Variants in MSH3 observed in about 807,000 individuals in gnomAD.
MSH3 encodes the protein DNA mismatch repair protein Msh3.
A neutral mutation model predicts 123.3 loss-of-function variants in MSH3; 106 were observed. The observed-to-expected ratio is 0.86, with a 90% confidence interval of 0.73 to 1.01. The LOEUF is 1.01. MSH3 is among the 50% of genes least tolerant of loss of function. MSH3 has a pLI of 0.00. For missense variants in MSH3, 1,459 were observed against 1,347.6 expected, an observed-to-expected ratio of 1.08 and a Z score of -1.29; for synonymous variants, 515 against 481.4, an observed-to-expected ratio of 1.07 and a Z score of -0.91.
intron 20 of MSH3, among the ~76,000 whole-genome samples, chr5:80,849,064 A>C (rs779669400): frequency 1.3e-5 from 2 of 152,200 alleles, no homozygotes; most frequent in Non-Finnish European, 2.9e-5. Flanking sequence ...AAATTGGCCA[A>C]AACAAAGGGG....
chr5:80,665,451 T>C, intron 3 of MSH3, 88 bp downstream of exon 3: 1 of 1,008,666 alleles, frequency 9.9e-7, no homozygotes, highest in South Asian at 1.4e-5. Context: ...TTCATGGCAA[T>C]GGTTCCTAAA....
In MSH3 at chr5:80,719,635, A is replaced by G. The variant is rs115161356; in HGVS notation, c.1341-5818A>G. ...TTAAAATTATATATTATAAAATGCC[A>G]TTGCATTTAAAGGTCTTACGTTTCT... On this transcript the variant is annotated intron_variant, in intron 8 of 23. Transcript: ENST00000265081. Among the ~76,000 whole-genome samples, 296 of 152,304 alleles carry G rather than the reference A, an allele frequency of 1.9e-3. 3 individuals carry two copies. Among genetic ancestry groups the G allele is most frequent in the African/African-American group, 6.7e-3 (279 of 41,560 alleles).
At chr5:80,781,925 T>G (rs1350543362) in intron 17 of MSH3, among the ~76,000 whole-genome samples, 1 of 152,128 alleles carries the variant, frequency 6.6e-6, no homozygotes, top group Admixed American at 6.5e-5. Context: ...ACAGTAAATA[T>G]AACATCATAG....
chr5:80,805,218 A>C (rs941408925), intron 19 of MSH3, among the ~76,000 whole-genome samples: 1 of 152,188 alleles, frequency 6.6e-6, no homozygotes, highest in Non-Finnish European at 1.5e-5. Context: ...CTGGCTCTCA[A>C]AGTTGTAGCC....
At chr5:80,659,477 T>G (rs1361817206) in intron 2 of MSH3, among the ~76,000 whole-genome samples, 3 of 152,196 alleles carry the variant, frequency 2.0e-5, no homozygotes, top group Admixed American at 2.0e-4. Context: ...TTCTGAACAT[T>G]TCATATAAAT....
intron 12 of MSH3, among the ~76,000 whole-genome samples, chr5:80,754,764 G>C (rs1580021104): frequency 6.6e-6 from 1 of 152,214 alleles, no homozygotes; most frequent in South Asian, 2.1e-4. Context: ...ACATTTTAGT[G>C]GTCAATGTTC....
intron 12 of MSH3, among the ~76,000 whole-genome samples, chr5:80,746,099 C>T (rs32960): frequency 0.23 from 34,474 of 151,954 alleles, 4,101 homozygotes; most frequent in Non-Finnish European, 0.27. Context: ...CTATAGAAAA[C>T]GCACAGTACA....
chr5:80,805,114 T>A (rs1744864116), intron 19 of MSH3, among the ~76,000 whole-genome samples: 1 of 152,236 alleles, frequency 6.6e-6, no homozygotes, highest in Admixed American at 6.5e-5. Flanking sequence ...AAGTTTGTTC[T>A]AGTGTAACAA....
At chr5:80,775,581 T>G in intron 15 of MSH3, 113 bp from the exon 16 acceptor site, 1 of 672,874 alleles carries the variant, frequency 1.5e-6, no homozygotes, top group Non-Finnish European at 2.6e-6. Context: ...AATACTGGAC[T>G]TATCTTGAGT....
intron 8 of MSH3, among the ~76,000 whole-genome samples, chr5:80,721,910 CTG>C (rs1375529856): frequency 6.6e-6 from 1 of 151,944 alleles, no homozygotes; most frequent in East Asian, 1.9e-4. Context: ...ATTTGTGTTT[CTG>C]TGTTTTCTGT....
chr5:80,851,943 T>TA (rs1745836974), intron 20 of MSH3, among the ~76,000 whole-genome samples: 1 of 152,210 alleles, frequency 6.6e-6, no homozygotes, highest in Admixed American at 6.5e-5. Context: ...AGGCACATCT[T>TA]ACAATTCTTG....
chr5:80,663,212 A>G (rs1561433548), intron 2 of MSH3, among the ~76,000 whole-genome samples: 1 of 152,232 alleles, frequency 6.6e-6, no homozygotes, highest in African/African-American at 2.4e-5. Context: ...ACGAAGGTTC[A>G]TTGGTACTTG....
At chr5:80,789,474 G>C (rs1274555239) in intron 18 of MSH3, among the ~76,000 whole-genome samples, 1 of 151,784 alleles carries the variant, frequency 6.6e-6, no homozygotes, top group African/African-American at 2.4e-5. Flanking sequence ...AGGTTCAAGG[G>C]ATTCTCCTGC....
At chr5:80,784,908 G>A (rs763223267) in intron 17 of MSH3, among the ~76,000 whole-genome samples, 22 of 151,838 alleles carry the variant, frequency 1.4e-4, no homozygotes, top group Non-Finnish European at 2.8e-4. Flanking sequence ...TATATTTTTC[G>A]GTTCACAAAA....
Position 80,854,146 on chromosome 5 carries a change from A to G in MSH3, c.2830A>G (p.Asn944Asp). The part of the protein sequence containing the change: ...GIFTRMGAAD[N>D]IYKGQSTFME... ...TGCTTGTAGGATGGGTGCTGCAGAC[A>G]ATATATATAAAGGACAGAGTACATT... Residue 944 changes from asparagine (N) to aspartate (D), a missense_variant, in exon 21 of 24, where the codon AAT becomes GAT. Asn to Asp is a conservative substitution (Grantham distance 23, BLOSUM62 1). Transcript: ENST00000265081. 6.2e-7 allele frequency: 1 copy of G among 1,613,282 alleles called. No individual in the cohort carries two copies. Among genetic ancestry groups the G allele is most frequent in the South Asian group, 1.1e-5 (1 of 91,036 alleles).
intron 12 of MSH3, among the ~76,000 whole-genome samples, chr5:80,745,347 C>T (rs1743697457): frequency 6.6e-6 from 1 of 152,168 alleles, no homozygotes; most frequent in African/African-American, 2.4e-5. Flanking sequence ...AGAACAGTGC[C>T]TGGCACTTAG....
At chr5:80,730,412 G>C (rs1010388246) in intron 10 of MSH3, among the ~76,000 whole-genome samples, 1 of 152,138 alleles carries the variant, frequency 6.6e-6, no homozygotes, top group African/African-American at 2.4e-5. Context: ...GTTTCTTCCA[G>C]GGGGAAGAAG....
At chr5:80,731,517 T>C (rs989856691) in intron 10 of MSH3, among the ~76,000 whole-genome samples, 1 of 151,324 alleles carries the variant, frequency 6.6e-6, no homozygotes, top group Non-Finnish European at 1.5e-5. Flanking sequence ...GCTTTTATTA[T>C]ATATTATTAT....
chr5:80,722,769 A>G (rs1751108314), intron 8 of MSH3, among the ~76,000 whole-genome samples: 1 of 152,202 alleles, frequency 6.6e-6, no homozygotes, highest in Non-Finnish European at 1.5e-5. Context: ...TCTATTTAAG[A>G]TGTTATTTCT....
Sources: gnomAD v4.1 joint callset for allele counts (sites outside exome capture counted in the v4.1 genomes callset) on GRCh38, gnomAD v4.1.1 for gene constraint, MANE v1.5 for transcripts, NCBI Gene and HGNC (gene_info 2026-07-23, HGNC 2026-07-21) for gene names.